The following DNAJC6 variants were observed in gnomAD, a reference collection of about 807,000 sequenced individuals.
The protein encoded by DNAJC6 is auxilin.
A neutral mutation model predicts 110.0 loss-of-function variants in DNAJC6; 34 were observed. That is an observed-to-expected ratio of 0.31 (90% CI 0.24 to 0.41). The LOEUF (loss-of-function observed/expected upper bound fraction) is 0.41. Among genes scored for constraint, DNAJC6 ranks in the 10% least tolerant of loss-of-function variants. The pLI, the probability that DNAJC6 is intolerant of heterozygous loss-of-function variation, is 1.00. For missense variants in DNAJC6, 1,031 were observed against 1,207.8 expected (o/e 0.85, Z 2.17); for synonymous variants, 406 against 437.2 (o/e 0.93, Z 0.89).
At chr1:65,384,756 A>G (rs1485682386) in intron 6 of DNAJC6, among the ~76,000 whole-genome samples, 2 of 152,050 alleles carry the variant, frequency 1.3e-5, no homozygotes, top group South Asian at 2.1e-4. Context: ...GGGAGCTACA[A>G]TTCAAGATGA....
intron 1 of DNAJC6, among the ~76,000 whole-genome samples, chr1:65,355,371 G>A (rs555649037): frequency 6.6e-6 from 1 of 152,164 alleles, no homozygotes; most frequent in African/African-American, 2.4e-5. Flanking sequence ...AGCTGTGATG[G>A]TCTTGGATGC....
At chr1:65,401,618 C>A in intron 14 of DNAJC6, 143 bp from the exon 15 acceptor site, 1 of 1,164,922 alleles carries the variant, frequency 8.6e-7, no homozygotes, top group Non-Finnish European at 1.2e-6. Flanking sequence ...GTCAGGGAAA[C>A]AGGGTCTAGC....
chr1:65,413,417 T>C lies in DNAJC6; in HGVS notation c.*392T>C, dbSNP rs1570394632. The C allele has an allele frequency of 6.3e-6, 1 of 158,034 alleles. No individual in the cohort carries two copies. The highest frequency in any genetic ancestry group is 1.4e-5 in the Non-Finnish European group (1 of 71,912). 9.8% of individuals were successfully genotyped at this position (158,034 alleles called of 1,614,324 possible). ...AAGTTATGATAATAGAGTTATATGA[T>C]GGTTTAATGGTTTCTAGATTTTTCT... On this transcript the variant is annotated 3_prime_UTR_variant, in exon 19 of 19. Transcript: ENST00000371069.
At chr1:65,307,505 A>G (rs1400198853), upstream of DNAJC6, among the ~76,000 whole-genome samples, 2 of 152,158 alleles carry the variant, frequency 1.3e-5, no homozygotes, top group African/African-American at 2.4e-5. Context: ...AATAATTTTC[A>G]CTTTTCAAAA....
At position 65,406,010 on chromosome 1, in the gene DNAJC6, C is replaced by T. The variant is rs752925004; in HGVS notation, c.2368C>T (p.Pro790Ser). The T allele has an allele frequency of 6.2e-7, 1 of 1,614,202 alleles. No individual in the cohort carries two copies. The highest frequency in any genetic ancestry group is 1.3e-5 in the African/African-American group (1 of 75,060). ...QQGGAYNWQQ[P>S]QPKPQPSMPH... is the part of the protein sequence containing the mutation. ...GGGAGGTGCCTACAACTGGCAGCAG[C>T]CACAGCCTAAGCCTCAGCCCAGCAT... Residue 790 changes from proline (P) to serine (S), a missense_variant, in exon 16 of 19, where the codon CCA becomes TCA. Coordinates refer to ENST00000371069, the MANE Select transcript of DNAJC6 (RefSeq NM_001256864.2).
At chr1:65,405,848 CT>C in intron 15 of DNAJC6, 21 bp from the exon 16 acceptor site, 1 of 1,569,918 alleles carries the variant, frequency 6.4e-7, no homozygotes. Flanking sequence ...GTTTTACCTT[CT>C]TTATCTCTTT....
chr1:65,378,685 A>C (rs1266217264), intron 4 of DNAJC6, among the ~76,000 whole-genome samples: 3 of 152,218 alleles, frequency 2.0e-5, no homozygotes, highest in African/African-American at 7.2e-5. Context: ...AACATGATTT[A>C]TATTCAGAAG....
In DNAJC6 at chr1:65,366,089, A is replaced by C; in HGVS notation, c.436A>C (p.Asn146His). Reference sequence around the variant, plus strand: ...GGACAATGTTGACATAGGATTCAGGAATCAGGTTGATGACATTCGAAGCTT... The same window carrying C: ...GGACAATGTTGACATAGGATTCAGGCATCAGGTTGATGACATTCGAAGCTT... ...PLDNVDIGFR[N>H]QVDDIRSFLD... Residue 146 changes from asparagine (N) to histidine (H), a missense_variant, in exon 4 of 19, where the codon AAT becomes CAT. Physicochemically the swap from Asn to His is moderately conservative, Grantham distance 68. Transcript: ENST00000371069. 3 of 1,613,916 alleles carry C rather than the reference A, an allele frequency of 1.9e-6. No individual in the cohort carries two copies. The highest frequency in any genetic ancestry group is 2.5e-6 in the Non-Finnish European group (3 of 1,179,824).
chr1:65,408,556 T>C (rs906351523), intron 16 of DNAJC6, 85 bp from the exon 17 acceptor site: 4 of 1,496,214 alleles, frequency 2.7e-6, no homozygotes, highest in Admixed American at 2.1e-5. Flanking sequence ...AAAAACACCT[T>C]GAAGACTCCA....
chr1:65,272,183 G>C (rs960879519), intron 1 of DNAJC6, among the ~76,000 whole-genome samples: 1 of 152,182 alleles, frequency 6.6e-6, no homozygotes, highest in African/African-American at 2.4e-5. Context: ...TACAACATTT[G>C]ATGTGGGATT....
At chr1:65,382,748 G>GACTT (rs1557552964) in intron 5 of DNAJC6, among the ~76,000 whole-genome samples, 1 of 152,196 alleles carries the variant, frequency 6.6e-6, no homozygotes, top group Non-Finnish European at 1.5e-5. Context: ...CCAGAATAAA[G>GACTT]AAGATGATAT....
At chr1:65,319,751 A>C (rs1168382451) in intron 1 of DNAJC6, among the ~76,000 whole-genome samples, 1 of 152,148 alleles carries the variant, frequency 6.6e-6, no homozygotes, top group African/African-American at 2.4e-5. Flanking sequence ...AGCAGATAAT[A>C]GTCTTCATTT....
chr1:65,309,039 T>G (rs1477841545), upstream of DNAJC6, among the ~76,000 whole-genome samples: 1 of 152,190 alleles, frequency 6.6e-6, no homozygotes, highest in Admixed American at 6.5e-5. Context: ...TGAATTGAGT[T>G]ACAAGTCAGT....
At chr1:65,274,796 G>A (rs1653610625) in intron 1 of DNAJC6, among the ~76,000 whole-genome samples, 1 of 152,076 alleles carries the variant, frequency 6.6e-6, no homozygotes, top group Non-Finnish European at 1.5e-5. Flanking sequence ...TTTCTTATTT[G>A]TGTCCCATCT....
intron 1 of DNAJC6, among the ~76,000 whole-genome samples, chr1:65,328,141 G>C (rs1645257519): frequency 6.6e-6 from 1 of 152,032 alleles, no homozygotes; most frequent in South Asian, 2.1e-4. Flanking sequence ...ATTTACATAG[G>C]AAAATTATTG....
At chr1:65,363,408 C>T (rs374700721) in intron 1 of DNAJC6, among the ~76,000 whole-genome samples, 1 of 118,234 alleles carries the variant, frequency 8.5e-6, no homozygotes, top group Non-Finnish European at 2.0e-5. Flanking sequence ...GAGAGAAATA[C>T]AGACAGAGAG....
At chr1:65,277,444 C>T (rs1653708177) in intron 1 of DNAJC6, among the ~76,000 whole-genome samples, 1 of 152,158 alleles carries the variant, frequency 6.6e-6, no homozygotes, top group Non-Finnish European at 1.5e-5. Context: ...TGTCGACTCT[C>T]ACCTCCCAAT....
chr1:65,388,359 G>C lies in DNAJC6; in HGVS notation c.1137G>C (p.Gln379His), dbSNP rs1436077639. The change falls in exon 9 of 19, where the codon CAG (glutamine) becomes CAC (histidine). Residue 379 changes from glutamine (Q) to histidine (H), a missense_variant. Coordinates refer to ENST00000371069, the MANE Select transcript of DNAJC6 (RefSeq NM_001256864.2). ...QAKVTNTQIF[Q>H]LQFHTGFIPL... Reference sequence around the variant, plus strand: ...AGGTGACCAACACACAGATATTCCAGCTTCAGTTTCACACTGGATTCATAC... The same window carrying C: ...AGGTGACCAACACACAGATATTCCACCTTCAGTTTCACACTGGATTCATAC... 2.5e-6 allele frequency: 4 copies of C among 1,613,956 alleles called. No individual in the cohort carries two copies. The highest frequency in any genetic ancestry group is 1.1e-5 in the South Asian group (1 of 91,080).
intron 17 of DNAJC6, among the ~76,000 whole-genome samples, 192 bp from the exon 18 acceptor site, chr1:65,411,056 TAG>T (rs968236018): frequency 5.3e-5 from 8 of 152,154 alleles, no homozygotes; most frequent in African/African-American, 1.9e-4. Context: ...TGAAAGATGA[TAG>T]AGTTAACCAG....
Sources: gnomAD v4.1 joint callset for allele counts (sites outside exome capture counted in the v4.1 genomes callset) on GRCh38, gnomAD v4.1.1 for gene constraint, MANE v1.5 for transcripts, NCBI Gene and HGNC (gene_info 2026-07-23, HGNC 2026-07-21) for gene names.